Variants in CCNT1 observed in about 807,000 individuals in gnomAD.
CCNT1 encodes cyclin-T1.
CCNT1 carries 18 observed loss-of-function variants against 67.3 expected under a neutral mutation model. The ratio of observed to expected loss-of-function variants is 0.27; its 90% CI spans 0.18 to 0.40. The LOEUF (loss-of-function observed/expected upper bound fraction) is 0.40, where lower values mean the gene tolerates loss of function less well. CCNT1 is among the 10% of genes least tolerant of loss of function. The pLI, the probability that CCNT1 is intolerant of heterozygous loss-of-function variation, is 1.00. For synonymous variants in CCNT1, 333 were observed against 310.3 expected (o/e 1.07, Z -0.77); for missense variants, 744 against 884.9 (o/e 0.84, Z 2.02).
chr12:48,712,183 A>C (rs1221703101), intron 2 of CCNT1, among the ~76,000 whole-genome samples: 3 of 152,166 alleles, frequency 2.0e-5, no homozygotes, highest in Non-Finnish European at 4.4e-5. Context: ...TTCAGGAGCT[A>C]TGTCTAGCTT....
Position 48,716,653 on chromosome 12 carries a change from T to C in CCNT1, c.23A>G (p.Asn8Ser). The change falls in exon 1 of 9, where the codon AAC becomes AGC. Residue 8 changes from asparagine (N) to serine (S), a missense_variant. Physicochemically the swap from Asn to Ser is conservative, Grantham distance 46. Coordinates refer to ENST00000261900, the MANE Select transcript of CCNT1 (RefSeq NM_001240.4). MEGERKN[N>S]NKRWYFTREQ... ...TCGAGTGAAATACCACCGTTTGTTG[T>C]TGTTCTTCCTCTCTCCCTCCATAGT... The C allele has an allele frequency of 6.2e-7, 1 of 1,614,186 alleles. No individual in the cohort carries two copies. The highest frequency in any genetic ancestry group is 8.5e-7 in the Non-Finnish European group (1 of 1,180,012).
At position 48,699,830 on chromosome 12, in the gene CCNT1, T is replaced by A; in HGVS notation, c.444A>T (p.Leu148=). 2 of 1,603,750 alleles carry A rather than the reference T, an allele frequency of 1.2e-6. No homozygotes were observed. The highest frequency in any genetic ancestry group is 1.7e-6 in the Non-Finnish European group (2 of 1,173,134). Residue 148 remains leucine (L), a synonymous_variant, in exon 5 of 9, where the codon CTA becomes CTT. Transcript: ENST00000261900. The part of the protein sequence containing the change: ...SIILQTLGFE[L]TIDHPHTHVV... Reference sequence around the variant, plus strand: ...CATGAGTATGTGGGTGATCAATTGTTAGTTCAAAGCCTTAAAAGAAAAAGT... The same window carrying A: ...CATGAGTATGTGGGTGATCAATTGTAAGTTCAAAGCCTTAAAAGAAAAAGT...
In CCNT1 at chr12:48,689,198, T is replaced by G. The variant is rs943406248; in HGVS notation, c.*3835A>C. 5 of 152,202 alleles carry G rather than the reference T, an allele frequency of 3.3e-5. No individual in the cohort carries two copies. The highest frequency in any genetic ancestry group is 2.0e-4 in the Admixed American group (3 of 15,290). 9.4% of individuals were successfully genotyped at this position (152,202 alleles called of 1,614,324 possible). A position where few individuals can be genotyped will look rare whatever the true frequency, so the allele number is the denominator to read the frequency against. ...ACAAAGGGGAAGAGTAGACACTGCTTTTAGTAAACGTCCTTTTTCTTTACC... is the reference window on the plus strand; with the variant it reads ...ACAAAGGGGAAGAGTAGACACTGCTGTTAGTAAACGTCCTTTTTCTTTACC... On this transcript the variant is annotated 3_prime_UTR_variant, in exon 9 of 9. Transcript: ENST00000261900.
intron 2 of CCNT1, among the ~76,000 whole-genome samples, chr12:48,713,476 T>A (rs1411982480): frequency 1.3e-5 from 2 of 152,246 alleles, no homozygotes. Flanking sequence ...GCTGTGACCA[T>A]ATTTTATAAA....
intron 2 of CCNT1, among the ~76,000 whole-genome samples, chr12:48,708,510 G>GCA (rs1277543950): frequency 6.6e-6 from 1 of 151,382 alleles, no homozygotes; most frequent in Non-Finnish European, 1.5e-5. Flanking sequence ...TCACGCCATT[G>GCA]CACTCCAACC....
intron 6 of CCNT1, 58 bp from the exon 7 acceptor site, chr12:48,696,220 G>A (rs1940165355): frequency 5.9e-5 from 13 of 220,402 alleles, no homozygotes; most frequent in Non-Finnish European, 8.6e-5. Context: ...TCAGCCCAAA[G>A]CTAAAACTCT....
chr12:48,696,868 T>TGTCACCCA (rs1940176178), intron 6 of CCNT1, among the ~76,000 whole-genome samples: 1 of 152,178 alleles, frequency 6.6e-6, no homozygotes, highest in Non-Finnish European at 1.5e-5. Context: ...TCTCTCTCTC[T>TGTCACCCA]GTCACCCAGG....
chr12:48,693,820 G>A lies in CCNT1; in HGVS notation c.1394C>T (p.Pro465Leu). ...ADKTALKMRI[P>L]VAGGDKAASS... ...CGCAGCTTTATCTCCACCTGCCACT[G>A]GGATTCTCATTTTGAGAGCTGTTTT... The change falls in exon 9 of 9, where the codon CCA becomes CTA. Residue 465 changes from proline to leucine, a missense_variant. Transcript: ENST00000261900. 6.2e-7 allele frequency: 1 copy of A among 1,614,156 alleles called. No individual in the cohort carries two copies.
intron 2 of CCNT1, among the ~76,000 whole-genome samples, chr12:48,712,647 T>C (rs1186410371): frequency 1.6e-5 from 2 of 125,056 alleles, no homozygotes; most frequent in African/African-American, 5.9e-5. Context: ...CACAAATCCA[T>C]TTGAAGTATA....
intron 3 of CCNT1, among the ~76,000 whole-genome samples, chr12:48,701,765 C>T (rs1200054286): frequency 6.6e-6 from 1 of 151,842 alleles, no homozygotes; most frequent in Non-Finnish European, 1.5e-5. Flanking sequence ...CACCACCACA[C>T]CCAGCTAATT....
At position 48,692,573 on chromosome 12, in the gene CCNT1, A is replaced by C. The variant is rs1940093008; in HGVS notation, c.*460T>G. 6.4e-6 allele frequency: 1 copy of C among 156,742 alleles called. No homozygotes were observed. Among genetic ancestry groups the C allele is most frequent in the Non-Finnish European group, 1.4e-5 (1 of 70,628 alleles). 9.7% of individuals were successfully genotyped at this position (156,742 alleles called of 1,614,324 possible). On this transcript the variant is annotated 3_prime_UTR_variant, in exon 9 of 9. Coordinates refer to ENST00000261900, the MANE Select transcript of CCNT1 (RefSeq NM_001240.4). ...ATCCCCTTCCCAATTATATAAAAAA[A>C]CTAAACAGATAACTTACTTTCTTTA...
At chr12:48,695,860 CTG>C in intron 7 of CCNT1, 31 bp from the exon 8 acceptor site, 1 of 1,555,962 alleles carries the variant, frequency 6.4e-7, no homozygotes, top group Non-Finnish European at 8.9e-7. Flanking sequence ...TCAAGAAAGA[CTG>C]AGAGAAACAG....
intron 6 of CCNT1, among the ~76,000 whole-genome samples, chr12:48,697,679 C>T (rs1461519926): frequency 1.1e-4 from 16 of 147,110 alleles, no homozygotes; most frequent in African/African-American, 3.7e-4. Context: ...ATTAGCTGGG[C>T]GTGGTGGCGG....
At chr12:48,695,870 C>T (rs1478490910) in intron 7 of CCNT1, 41 bp from the exon 8 acceptor site, 3 of 1,539,204 alleles carry the variant, frequency 1.9e-6, no homozygotes, top group Non-Finnish European at 2.7e-6. Context: ...CTGAGAGAAA[C>T]AGAAGTAATG....
chr12:48,715,710 G>A (rs941012517), intron 1 of CCNT1, among the ~76,000 whole-genome samples: 17 of 152,050 alleles, frequency 1.1e-4, no homozygotes, highest in African/African-American at 3.9e-4. Flanking sequence ...TGATCCACCC[G>A]CCTCGGCCTC....
Position 48,691,912 on chromosome 12 carries a change from A to G in CCNT1, c.*1121T>C, listed in dbSNP as rs1839849476. On this transcript the variant is annotated 3_prime_UTR_variant, in exon 9 of 9. Transcript: ENST00000261900. ...AATTTCATTGTTTTTAGTATCCTCT[A>G]GCTTCTCCCATATGGTTTGGGCTTT... 6.6e-6 allele frequency: 1 copy of G among 152,184 alleles called. No individual in the cohort carries two copies. Among genetic ancestry groups the G allele is most frequent in the African/African-American group, 2.4e-5 (1 of 41,440 alleles). 9.4% of individuals were successfully genotyped at this position (152,184 alleles called of 1,614,324 possible).
rs148507558 is a variant in CCNT1, at chr12:48,711,492, T to C, written c.243+2951A>G. On this transcript the variant is annotated intron_variant, in intron 2 of 8. Coordinates refer to ENST00000261900, the MANE Select transcript of CCNT1 (RefSeq NM_001240.4). Reference sequence around the variant, plus strand: ...GATTTGAGAGTTTCTTTTTTTGATTTGAGATTCACTTCACCCCAAATTTCA... The same window carrying C: ...GATTTGAGAGTTTCTTTTTTTGATTCGAGATTCACTTCACCCCAAATTTCA... 8.0e-3 allele frequency among the ~76,000 whole-genome samples: 1,225 copies of C among 152,248 alleles called. 20 individuals are homozygous for C. The highest frequency in any genetic ancestry group is 0.028 in the African/African-American group (1,147 of 41,548).
chr12:48,699,053 A>C (rs903384654), intron 5 of CCNT1, among the ~76,000 whole-genome samples: 34 of 152,222 alleles, frequency 2.2e-4, no homozygotes, highest in Admixed American at 1.7e-3. Context: ...CAATGAAAAA[A>C]TTTAACTTCT....
At position 48,714,492 on chromosome 12, in the gene CCNT1, T is replaced by A. The variant is rs763320555; in HGVS notation, c.194A>T (p.Tyr65Phe). ...CTGAATCATGTAGAATCGATGCATGTATACTATAGCAGTGTTGATAGTCAA... is the reference window on the plus strand; with the variant it reads ...CTGAATCATGTAGAATCGATGCATGAATACTATAGCAGTGTTGATAGTCAA... Reference protein sequence around the residue: ...SQLTINTAIVYMHRFYMIQSF... With the variant: ...SQLTINTAIVFMHRFYMIQSF... The change falls in exon 2 of 9, where the codon TAC becomes TTC. Residue 65 changes from tyrosine to phenylalanine, a missense_variant. Transcript: ENST00000261900. The A allele has an allele frequency of 6.2e-7, 1 of 1,611,064 alleles. No individual in the cohort carries two copies. Among genetic ancestry groups the A allele is most frequent in the South Asian group, 1.1e-5 (1 of 91,016 alleles).
Sources: gnomAD v4.1 joint callset for allele counts (sites outside exome capture counted in the v4.1 genomes callset) on GRCh38, gnomAD v4.1.1 for gene constraint, MANE v1.5 for transcripts, NCBI Gene and HGNC (gene_info 2026-07-23, HGNC 2026-07-21) for gene names.